PALS1: variants seen among roughly 807,000 people sequenced by gnomAD.
The protein encoded by PALS1 is protein PALS1.
Under a neutral mutation model 78.9 loss-of-function variants are expected in PALS1, and 31 were observed. The observed-to-expected ratio is 0.39, with a 90% CI of 0.30 to 0.53. The LOEUF is 0.53. Among genes scored for constraint, PALS1 ranks in the 20% least tolerant of loss-of-function variants. The pLI, the probability that PALS1 is intolerant of heterozygous loss-of-function variation, is 0.67. For synonymous variants in PALS1, 276 were observed against 270.9 expected (o/e 1.02, Z -0.18); for missense variants, 704 against 826.5 (o/e 0.85, Z 1.82).
intron 1 of PALS1, among the ~76,000 whole-genome samples, chr14:67,257,299 G>A (rs903430823): frequency 2.6e-5 from 4 of 152,132 alleles, no homozygotes; most frequent in Non-Finnish European, 5.9e-5. Context: ...GGGTGACTGA[G>A]TTCTGTCTGT....
chr14:67,266,394 C>T (rs928528025), intron 1 of PALS1, among the ~76,000 whole-genome samples: 2 of 152,090 alleles, frequency 1.3e-5, no homozygotes, highest in African/African-American at 4.8e-5. Flanking sequence ...GGCGTGATCT[C>T]AGCTCACTGC....
chr14:67,307,843 G>A (rs1317877876), intron 8 of PALS1, among the ~76,000 whole-genome samples: 1 of 152,094 alleles, frequency 6.6e-6, no homozygotes, highest in African/African-American at 2.4e-5. Flanking sequence ...AATGCCCATC[G>A]ATGATAGATT....
At chr14:67,326,951 G>A (rs2085367442) in intron 14 of PALS1, among the ~76,000 whole-genome samples, 2 of 152,150 alleles carry the variant, frequency 1.3e-5, no homozygotes, top group South Asian at 4.1e-4. Context: ...GAGGCGGGCA[G>A]ATCACTTGAG....
At chr14:67,288,978 T>C (rs1411280406) in intron 3 of PALS1, among the ~76,000 whole-genome samples, 4 of 148,864 alleles carry the variant, frequency 2.7e-5, no homozygotes, top group African/African-American at 9.9e-5. Flanking sequence ...TTTTTTTTTT[T>C]TTTTTTGAGA....
intron 4 of PALS1, among the ~76,000 whole-genome samples, chr14:67,296,538 T>C (rs112603307): frequency 0.17 from 22,684 of 132,826 alleles, 3,362 homozygotes; most frequent in East Asian, 0.45. Context: ...GCCAAGATCG[T>C]GCCACTGCAC....
chr14:67,278,837 GA>G (rs981523951), intron 2 of PALS1, among the ~76,000 whole-genome samples, 180 bp from the exon 3 acceptor site: 2 of 152,058 alleles, frequency 1.3e-5, no homozygotes, highest in Admixed American at 1.3e-4. Flanking sequence ...CTTTTTGGGG[GA>G]GGGGGGAATC....
At chr14:67,261,679 C>G (rs1234872521) in intron 1 of PALS1, among the ~76,000 whole-genome samples, 1 of 152,006 alleles carries the variant, frequency 6.6e-6, no homozygotes, top group African/African-American at 2.4e-5. Flanking sequence ...ATGTTGGTAG[C>G]CTAGTATCAC....
intron 1 of PALS1, among the ~76,000 whole-genome samples, chr14:67,258,443 G>C (rs2084180264): frequency 1.3e-5 from 2 of 152,172 alleles, no homozygotes; most frequent in East Asian, 3.9e-4. Context: ...GATTGAGGCA[G>C]GAGGATTGCA....
intron 1 of PALS1, among the ~76,000 whole-genome samples, chr14:67,246,999 C>T (rs2140417376): frequency 6.6e-6 from 1 of 152,284 alleles, no homozygotes. Flanking sequence ...GACTCTTCCA[C>T]TGTATTCTTT....
intron 2 of PALS1, chr14:67,271,429 A>G (rs1311068813): frequency 6.6e-6 from 1 of 152,206 alleles, no homozygotes; most frequent in East Asian, 1.9e-4. Context: ...GGATTCAGAG[A>G]TGGGTCAGCC....
At chr14:67,312,766 G>A (rs2085112398) in intron 9 of PALS1, 56 bp downstream of exon 9, 1 of 1,300,976 alleles carries the variant, frequency 7.7e-7, no homozygotes, top group Non-Finnish European at 1.0e-6. Context: ...GAAAATGCAA[G>A]CCTTCACAAA....
In PALS1 at chr14:67,274,920, A is replaced by G. The variant is rs11846688; in HGVS notation, c.-153-4098A>G. ...GAGTTCACTCATGATTTGGCTCTCT[A>G]TTTGTCTGTTATTGGTGTATAAGAA... On this transcript the variant is annotated intron_variant, in intron 2 of 14. Transcript: ENST00000261681. Among the ~76,000 whole-genome samples the G allele has an allele frequency of 3.9e-3, 595 of 151,706 alleles. 6 individuals are homozygous for G. Among genetic ancestry groups the G allele is most frequent in the African/African-American group, 0.013 (550 of 41,406 alleles).
intron 1 of PALS1, among the ~76,000 whole-genome samples, chr14:67,245,760 A>G (rs1334329589): frequency 2.0e-5 from 3 of 152,220 alleles, no homozygotes; most frequent in African/African-American, 4.8e-5. Flanking sequence ...CTTTTGAAGT[A>G]TAGAATTTTA....
chr14:67,311,400 C>T (rs1476672511), intron 8 of PALS1, among the ~76,000 whole-genome samples: 1 of 150,658 alleles, frequency 6.6e-6, no homozygotes, highest in Admixed American at 6.6e-5. Flanking sequence ...TTGCTTGGTT[C>T]GTTGAGCCTG....
At chr14:67,299,401 C>A (rs1458744489) in intron 4 of PALS1, among the ~76,000 whole-genome samples, 1 of 152,138 alleles carries the variant, frequency 6.6e-6, no homozygotes, top group Non-Finnish European at 1.5e-5. Flanking sequence ...TCTTTTACTT[C>A]CTTCCTTTTG....
At chr14:67,248,606 G>A (rs1188821615) in intron 1 of PALS1, among the ~76,000 whole-genome samples, 1 of 152,058 alleles carries the variant, frequency 6.6e-6, no homozygotes, top group South Asian at 2.1e-4. Flanking sequence ...GGCCTCCAGG[G>A]TTCTTGGCAT....
intron 3 of PALS1, among the ~76,000 whole-genome samples, chr14:67,283,468 C>G (rs1182260640): frequency 6.6e-6 from 1 of 152,134 alleles, no homozygotes; most frequent in Admixed American, 6.6e-5. Context: ...CAGACAAAAT[C>G]CCAATGCCAG....
intron 8 of PALS1, among the ~76,000 whole-genome samples, chr14:67,308,593 T>C (rs1365045499): frequency 1.3e-5 from 2 of 149,826 alleles, no homozygotes; most frequent in Non-Finnish European, 3.0e-5. Context: ...TTGTCCAGGC[T>C]GGAGTGCAAT....
chr14:67,322,053 G>A (rs754603890), intron 13 of PALS1, among the ~76,000 whole-genome samples: 3 of 152,156 alleles, frequency 2.0e-5, no homozygotes, highest in Non-Finnish European at 4.4e-5. Flanking sequence ...AAGCAAAAGT[G>A]TAAAATTACT....
Sources: gnomAD v4.1 joint callset for allele counts (sites outside exome capture counted in the v4.1 genomes callset) on GRCh38, gnomAD v4.1.1 for gene constraint, MANE v1.5 for transcripts, NCBI Gene and HGNC (gene_info 2026-07-23, HGNC 2026-07-21) for gene names.